Variants in RNF220 observed in about 807,000 individuals in gnomAD.
The protein encoded by RNF220 is ring finger protein 220.
RNF220 carries 7 observed loss-of-function variants against 67.1 expected under a neutral mutation model. The observed-to-expected ratio is 0.10, with a 90% CI of 0.06 to 0.20. The LOEUF (loss-of-function observed/expected upper bound fraction) is 0.20, where lower values mean the gene tolerates loss of function less well. Among genes scored for constraint, RNF220 ranks in the 10% least tolerant of loss-of-function variants. The pLI is 1.00. For missense variants in RNF220, 565 were observed against 740.3 expected, an observed-to-expected ratio of 0.76 and a Z score of 2.75; for synonymous variants, 270 against 283.2, an observed-to-expected ratio of 0.95 and a Z score of 0.47.
chr1:44,440,052 C>A lies in RNF220; in HGVS notation c.625+27330C>A, dbSNP rs4660795. 2.0e-3 allele frequency among the ~76,000 whole-genome samples: 312 copies of A among 152,318 alleles called. 4 individuals are homozygous for A. Among genetic ancestry groups the A allele is most frequent in the Middle Eastern group, 0.017 (5 of 294 alleles). ...TAGCTAGGTGAAGAGTGGGGAAATA[C>A]ATTTCACGCAGGTAAGTAGCAAATG... On this transcript the variant is annotated intron_variant, in intron 2 of 14. Transcript: ENST00000361799.
chr1:44,421,957 T>C (rs1290361394), intron 2 of RNF220, among the ~76,000 whole-genome samples: 2 of 152,176 alleles, frequency 1.3e-5, no homozygotes, highest in Admixed American at 1.3e-4. Flanking sequence ...AATCATCTGA[T>C]ACCTCAGTCT....
chr1:44,488,875 G>A (rs866308561), intron 2 of RNF220, among the ~76,000 whole-genome samples: 4 of 151,494 alleles, frequency 2.6e-5, no homozygotes, highest in African/African-American at 7.3e-5. Context: ...GACCACAGGC[G>A]CACGCCACCA....
At chr1:44,608,775 G>C (rs958560701) in intron 2 of RNF220, among the ~76,000 whole-genome samples, 2 of 152,304 alleles carry the variant, frequency 1.3e-5, no homozygotes, top group Non-Finnish European at 2.9e-5. Flanking sequence ...AACTCCATGG[G>C]GGCCAGAGGA....
At position 44,466,518 on chromosome 1, in the gene RNF220, G is replaced by A. The variant is rs4660803; in HGVS notation, c.625+53796G>A. 4.1e-3 allele frequency among the ~76,000 whole-genome samples: 618 copies of A among 152,268 alleles called. 11 individuals are homozygous for A. The South Asian group carries it at 0.041, about 10-fold the overall frequency. On this transcript the variant is annotated intron_variant, in intron 2 of 14. Coordinates refer to ENST00000361799, the MANE Select transcript of RNF220 (RefSeq NM_018150.4). ...TTTACTTTGCCCAGATCCATCGGAG[G>A]AATCACTATTTATAGCAGATATAGC...
intron 3 of RNF220, among the ~76,000 whole-genome samples, chr1:44,618,803 G>A (rs983300527): frequency 3.3e-5 from 5 of 152,136 alleles, no homozygotes; most frequent in Admixed American, 1.3e-4. Context: ...TGGTGAGGCC[G>A]ACCCAGGACA....
chr1:44,506,162 A>G (rs1003752853), intron 2 of RNF220, among the ~76,000 whole-genome samples: 1 of 152,222 alleles, frequency 6.6e-6, no homozygotes, highest in Non-Finnish European at 1.5e-5. Context: ...ATTGTCCCTT[A>G]CATTTCTTAA....
intron 2 of RNF220, among the ~76,000 whole-genome samples, chr1:44,434,729 A>G (rs1404258508): frequency 6.8e-6 from 1 of 146,784 alleles, no homozygotes; most frequent in Non-Finnish European, 1.5e-5. Flanking sequence ...AAAAAAAAAA[A>G]GATTACTTTG....
chr1:44,411,861 T>A, intron 1 of RNF220, 120 bp from the exon 2 acceptor site: 1 of 498,312 alleles, frequency 2.0e-6, no homozygotes, highest in Admixed American at 3.7e-5. Context: ...AAGCCTGTGG[T>A]GTCTCTTGCC....
chr1:44,467,040 GA>G (rs1654334665), intron 2 of RNF220, among the ~76,000 whole-genome samples: 1 of 152,166 alleles, frequency 6.6e-6, no homozygotes, highest in African/African-American at 2.4e-5. Context: ...CATCTACATT[GA>G]AAACACATTG....
At chr1:44,429,904 G>A (rs1051380313) in intron 2 of RNF220, among the ~76,000 whole-genome samples, 2 of 152,136 alleles carry the variant, frequency 1.3e-5, no homozygotes, top group African/African-American at 4.8e-5. Context: ...ACTTAAAGAT[G>A]TATGTTCTTT....
intron 2 of RNF220, among the ~76,000 whole-genome samples, chr1:44,562,848 T>A (rs1663686698): frequency 6.6e-6 from 1 of 152,190 alleles, no homozygotes; most frequent in Non-Finnish European, 1.5e-5. Context: ...AGTGTCCTCT[T>A]CCATCCCCAT....
chr1:44,590,105 T>C (rs1033676489), intron 2 of RNF220, among the ~76,000 whole-genome samples: 2 of 152,140 alleles, frequency 1.3e-5, no homozygotes, highest in African/African-American at 2.4e-5. Flanking sequence ...CTGGCCCAGG[T>C]ATGGTCTTCA....
chr1:44,567,560 A>G (rs961551581), intron 2 of RNF220, among the ~76,000 whole-genome samples: 2 of 151,714 alleles, frequency 1.3e-5, no homozygotes, highest in Non-Finnish European at 2.9e-5. Flanking sequence ...TCGTTTCTCA[A>G]GATCAGGAGA....
intron 2 of RNF220, among the ~76,000 whole-genome samples, chr1:44,502,155 T>A (rs200332075): frequency 0.11 from 11,329 of 106,334 alleles, 754 homozygotes; most frequent in African/African-American, 0.22. Flanking sequence ...TCTCTCTCTC[T>A]CTCACACACA....
chr1:44,649,570 G>A lies in RNF220; in HGVS notation c.1446-91G>A. ...GCAGGGATGCCTAGGGGACATTTAT[G>A]TATTTGGTTCTGGAATTCAAGGGAG... On this transcript the variant is annotated intron_variant, in intron 12 of 14. Transcript: ENST00000361799. This position sits in a 1 kb window ranked among gnomAD's most constrained non-coding sequence, Gnocchi z 5.9. 10 of 1,171,086 alleles carry A rather than the reference G, an allele frequency of 8.5e-6. No homozygotes were observed. Among genetic ancestry groups the A allele is most frequent in the Admixed American group, 3.5e-5 (2 of 57,148 alleles). 72.5% of individuals were successfully genotyped at this position (1,171,086 alleles called of 1,614,324 possible). A position where few individuals can be genotyped will look rare whatever the true frequency, so the allele number is the denominator to read the frequency against.
At chr1:44,481,517 C>T (rs1289395576) in intron 2 of RNF220, among the ~76,000 whole-genome samples, 3 of 152,158 alleles carry the variant, frequency 2.0e-5, no homozygotes, top group Non-Finnish European at 2.9e-5. Context: ...AAGGGAACAA[C>T]ACGCACACAG....
At chr1:44,493,073 G>A (rs1319335472) in intron 2 of RNF220, among the ~76,000 whole-genome samples, 1 of 152,064 alleles carries the variant, frequency 6.6e-6, no homozygotes, top group Non-Finnish European at 1.5e-5. Context: ...AAATTTTTGA[G>A]CACCAACACG....
rs1487315601 is a variant in RNF220, at chr1:44,621,609, T to C, written c.759-1133T>C. 1.3e-5 allele frequency among the ~76,000 whole-genome samples: 2 copies of C among 152,190 alleles called. No individual in the cohort carries two copies. Among genetic ancestry groups the C allele is most frequent in the Non-Finnish European group, 2.9e-5 (2 of 68,042 alleles). ...CCTGTCCCCCACTGAGAGTCACTGC[T>C]GCATCTGAATCTGCCTGTGCTTTTG... On this transcript the variant is annotated intron_variant, in intron 3 of 14. Coordinates refer to ENST00000361799, the MANE Select transcript of RNF220 (RefSeq NM_018150.4). This position sits in a 1 kb window ranked among gnomAD's most constrained non-coding sequence, Gnocchi z 4.8.
chr1:44,429,362 C>G (rs1650115509), intron 2 of RNF220, among the ~76,000 whole-genome samples: 1 of 152,124 alleles, frequency 6.6e-6, no homozygotes, highest in South Asian at 2.1e-4. Flanking sequence ...ATATTCTGAC[C>G]CAGATGAAGG....
Sources: allele counts gnomAD v4.1 joint callset (sites outside exome capture counted in the v4.1 genomes callset), GRCh38; gene constraint gnomAD v4.1.1; non-coding constraint Gnocchi (gnomAD v3.1); transcripts MANE v1.5; gene names NCBI Gene and HGNC (gene_info 2026-07-23, HGNC 2026-07-21).